The following AGMO variants were observed in gnomAD, a reference collection of about 807,000 sequenced individuals.
AGMO encodes glyceryl-ether monooxygenase.
In AGMO, 75 loss-of-function variants were observed where a neutral mutation model predicts 60.2. That is an observed-to-expected ratio of 1.25 (90% CI 1.03 to 1.51). The LOEUF is 1.51. Ranked by LOEUF, AGMO falls within the 40% of genes most tolerant of loss-of-function variation. The probability of loss-of-function intolerance (pLI) is 0.00; values close to 1 mark genes in which losing one functional copy is unlikely to be tolerated. For missense variants in AGMO, 763 were observed against 525.5 expected, an observed-to-expected ratio of 1.45 and a Z score of -4.42; for synonymous variants, 261 against 177.1, an observed-to-expected ratio of 1.47 and a Z score of -3.76.
At chr7:15,210,354 G>C (rs184834445) in intron 12 of AGMO, among the ~76,000 whole-genome samples, 2 of 152,166 alleles carry the variant, frequency 1.3e-5, no homozygotes, top group East Asian at 1.9e-4. Context: ...CAATGAAATA[G>C]TACATAAGAT....
intron 3 of AGMO, among the ~76,000 whole-genome samples, chr7:15,529,773 T>C (rs1203269951): frequency 1.1e-4 from 12 of 106,176 alleles, no homozygotes; most frequent in South Asian, 5.5e-4. Context: ...TTTCTCTATA[T>C]ATATTTCTCT....
chr7:15,209,261 C>T (rs1253340286), intron 12 of AGMO, among the ~76,000 whole-genome samples: 3 of 152,272 alleles, frequency 2.0e-5, no homozygotes, highest in South Asian at 2.1e-4. Flanking sequence ...AAACTTCAAT[C>T]TGGAAGAGCA....
chr7:15,262,535 C>T (rs919654637), intron 12 of AGMO, among the ~76,000 whole-genome samples: 1 of 152,036 alleles, frequency 6.6e-6, no homozygotes, highest in African/African-American at 2.4e-5. Flanking sequence ...AATGACCATA[C>T]TGCCAATAGC....
chr7:15,515,906 C>G (rs1783795948), intron 3 of AGMO, among the ~76,000 whole-genome samples: 1 of 151,984 alleles, frequency 6.6e-6, no homozygotes, highest in Admixed American at 6.6e-5. Context: ...TGGGAAGATG[C>G]TAGACAAAGG....
intron 12 of AGMO, among the ~76,000 whole-genome samples, chr7:15,315,519 G>A (rs1297675052): frequency 6.6e-6 from 1 of 151,730 alleles, no homozygotes. Context: ...TGTATTTTTA[G>A]TAGAGACGGG....
At chr7:15,232,801 GCACACA>G (rs71004371) in intron 12 of AGMO, among the ~76,000 whole-genome samples, 24 of 147,124 alleles carry the variant, frequency 1.6e-4, no homozygotes, top group East Asian at 6.2e-4. Flanking sequence ...ACACACACAC[GCACACA>G]CACACACACA....
the AGMO span, among the ~76,000 whole-genome samples, chr7:15,139,542 G>A: frequency 6.6e-6 from 1 of 152,076 alleles, no homozygotes; most frequent in African/African-American, 2.4e-5. Context: ...AGGCCCCCGT[G>A]CCTGTAGTTC....
intron 12 of AGMO, among the ~76,000 whole-genome samples, chr7:15,209,904 T>A (rs1781539370): frequency 6.6e-6 from 1 of 152,118 alleles, no homozygotes; most frequent in Non-Finnish European, 1.5e-5. Context: ...GACTTGGCAA[T>A]ATAGGTACTG....
chr7:15,548,503 G>A (rs1251716157), intron 2 of AGMO, among the ~76,000 whole-genome samples: 2 of 152,018 alleles, frequency 1.3e-5, no homozygotes, highest in African/African-American at 4.8e-5. Context: ...CAAGGCTCGA[G>A]AACTACGTGA....
intron 3 of AGMO, among the ~76,000 whole-genome samples, chr7:15,537,907 G>T (rs567730733): frequency 1.3e-5 from 2 of 151,846 alleles, no homozygotes; most frequent in Non-Finnish European, 2.9e-5. Flanking sequence ...GACCTTTCCA[G>T]TTCATACATA....
chr7:15,194,145 T>G, the AGMO span, among the ~76,000 whole-genome samples: 27,580 of 152,054 alleles, frequency 0.18, 2,926 homozygotes, highest in Non-Finnish European at 0.23. Flanking sequence ...CTTTTTAATT[T>G]GTAATGATCA....
intron 2 of AGMO, among the ~76,000 whole-genome samples, chr7:15,550,010 T>G (rs1311072512): frequency 6.6e-6 from 1 of 151,884 alleles, no homozygotes; most frequent in Non-Finnish European, 1.5e-5. Flanking sequence ...GGATTAAGAA[T>G]CTCACTCAAA....
intron 12 of AGMO, among the ~76,000 whole-genome samples, chr7:15,298,272 G>A (rs887367350): frequency 3.3e-5 from 5 of 152,016 alleles, no homozygotes; most frequent in Non-Finnish European, 5.9e-5. Flanking sequence ...TAGCTATATC[G>A]TCTACTAAAT....
At chr7:15,496,741 T>C (rs1783243522) in intron 3 of AGMO, among the ~76,000 whole-genome samples, 1 of 152,198 alleles carries the variant, frequency 6.6e-6, no homozygotes. Context: ...AAAATATTGG[T>C]TACATACATG....
Position 15,365,547 on chromosome 7 carries a change from C to G in AGMO, c.1230G>C (p.Lys410Asn). Residue 410 changes from lysine (K) to asparagine (N), a missense_variant, in exon 12 of 13, where the codon AAG becomes AAC. Transcript: ENST00000342526. ...FLMLYRFGHL[K>N]PLVPSLSSAF... Reference sequence around the variant, plus strand: ...CAGATGACAATGAAGGGACAAGAGGCTTCAGGTGACCAAATCGGTACAGCA... The same window carrying G: ...CAGATGACAATGAAGGGACAAGAGGGTTCAGGTGACCAAATCGGTACAGCA... The G allele has an allele frequency of 1.2e-6, 2 of 1,612,846 alleles. No individual in the cohort carries two copies. Among genetic ancestry groups the G allele is most frequent in the Non-Finnish European group, 1.7e-6 (2 of 1,179,112 alleles).
the AGMO span, among the ~76,000 whole-genome samples, chr7:15,132,718 A>G: frequency 1.5e-4 from 23 of 152,308 alleles, 1 homozygote; most frequent in East Asian, 4.2e-3. Context: ...TAGAATGTGA[A>G]TCAAGGCAGT....
At chr7:15,175,647 A>G in the AGMO span, among the ~76,000 whole-genome samples, 2 of 152,022 alleles carry the variant, frequency 1.3e-5, no homozygotes, top group South Asian at 2.1e-4. Flanking sequence ...AGGAGGTTAC[A>G]TATTTCACAT....
chr7:15,283,090 T>G (rs1377491391), intron 12 of AGMO, among the ~76,000 whole-genome samples: 1 of 152,108 alleles, frequency 6.6e-6, no homozygotes, highest in Non-Finnish European at 1.5e-5. Context: ...TAAAAGTAGT[T>G]CTAAATGTTG....
the AGMO span, among the ~76,000 whole-genome samples, chr7:15,132,836 AGG>A: frequency 6.6e-6 from 1 of 152,182 alleles, no homozygotes; most frequent in Non-Finnish European, 1.5e-5. Context: ...ATTTTACAAC[AGG>A]GAGTTATTAC....
Sources: gnomAD v4.1 joint callset for allele counts (sites outside exome capture counted in the v4.1 genomes callset) on GRCh38, gnomAD v4.1.1 for gene constraint, MANE v1.5 for transcripts, NCBI Gene and HGNC (gene_info 2026-07-23, HGNC 2026-07-21) for gene names.